Variants in FAT4 observed in about 807,000 individuals in gnomAD.
FAT4 encodes protocadherin Fat 4.
Under a neutral mutation model 303.9 loss-of-function variants are expected in FAT4, and 84 were observed. That is an observed-to-expected ratio of 0.28 (90% CI 0.23 to 0.33). FAT4 has a LOEUF of 0.33. Ranked by LOEUF, FAT4 falls within the 10% of genes least tolerant of loss-of-function variation. The pLI is 1.00. For synonymous variants in FAT4, 2,307 were observed against 2,298.8 expected, an observed-to-expected ratio of 1.00 and a Z score of -0.10; for missense variants, 6,005 against 6,146.8, an observed-to-expected ratio of 0.98 and a Z score of 0.77.
intron 10 of FAT4, among the ~76,000 whole-genome samples, chr4:125,459,781 A>T (rs943678485): frequency 3.3e-5 from 5 of 152,110 alleles, no homozygotes; most frequent in Non-Finnish European, 7.4e-5. Context: ...ATGATCCAAG[A>T]TTTTGTTTCA....
intron 7 of FAT4, among the ~76,000 whole-genome samples, chr4:125,420,400 T>C (rs1051556203): frequency 6.6e-6 from 1 of 152,234 alleles, no homozygotes; most frequent in African/African-American, 2.4e-5. Context: ...TGAATAATGA[T>C]AGTTGTCATT....
Position 125,338,795 on chromosome 4 carries a change from AT to A in FAT4, c.5175+17217del, listed in dbSNP as rs139536663. Among the ~76,000 whole-genome samples the A allele has an allele frequency of 5.6e-3, 853 of 152,148 alleles. 32 individuals carry two copies. In the South Asian group the frequency reaches 0.075, roughly 13 times the overall value. On this transcript the variant is annotated intron_variant, in intron 2 of 17. Transcript: ENST00000394329. ...GCATATTTTAAACTATTGGAAATGA[AT>A]TTTTTTTAATCTATGTGCAGAAAAA... is the stretch of plus-strand genomic sequence containing the variant.
At chr4:125,443,036 A>G (rs1478847025) in intron 8 of FAT4, among the ~76,000 whole-genome samples, 1 of 152,146 alleles carries the variant, frequency 6.6e-6, no homozygotes, top group East Asian at 1.9e-4. Context: ...AGTGCTATTC[A>G]TGGGGTTTAA....
intron 2 of FAT4, among the ~76,000 whole-genome samples, chr4:125,325,344 C>A (rs2125950746): frequency 6.6e-6 from 1 of 152,206 alleles, no homozygotes; most frequent in South Asian, 2.1e-4. Flanking sequence ...ATATATGACT[C>A]TCAACCTGTT....
intron 7 of FAT4, among the ~76,000 whole-genome samples, chr4:125,425,758 T>C (rs1266607955): frequency 2.6e-5 from 4 of 152,104 alleles, no homozygotes; most frequent in African/African-American, 7.2e-5. Flanking sequence ...AAATATGTTA[T>C]CCTTTATCCT....
At chr4:125,345,430 G>A (rs1240751136) in intron 2 of FAT4, among the ~76,000 whole-genome samples, 1 of 150,322 alleles carries the variant, frequency 6.7e-6, no homozygotes, top group East Asian at 2.0e-4. Flanking sequence ...AATGATTAAG[G>A]ACTTCTAAAG....
intron 10 of FAT4, among the ~76,000 whole-genome samples, chr4:125,455,859 T>C (rs1726260087): frequency 6.6e-6 from 1 of 152,204 alleles, no homozygotes; most frequent in South Asian, 2.1e-4. Flanking sequence ...CTCTCAGACT[T>C]TGAGGCAGGA....
At position 125,315,334 on chromosome 4, in the gene FAT4, A is replaced by G. The variant is rs1326946510; in HGVS notation, c.-656A>G. On this transcript the variant is annotated 5_prime_UTR_variant, in exon 1 of 18. Coordinates refer to ENST00000394329, the MANE Select transcript of FAT4 (RefSeq NM_001291303.3). The stretch of plus-strand genomic sequence containing the variant: ...GCATCAACCACCCCCCGCCCCAAAC[A>G]AAAAGCCTTGTGGATTACAAAGTGA... Among the ~76,000 whole-genome samples, 3 of 152,140 alleles carry G rather than the reference A, an allele frequency of 2.0e-5. No individual in the cohort carries two copies. Among genetic ancestry groups the G allele is most frequent in the African/African-American group, 2.4e-5 (1 of 41,432 alleles).
chr4:125,347,558 A>T (rs1413758463), intron 2 of FAT4, among the ~76,000 whole-genome samples: 1 of 151,448 alleles, frequency 6.6e-6, no homozygotes, highest in Non-Finnish European at 1.5e-5. Context: ...TATATATTTG[A>T]TATATAATTT....
chr4:125,463,492 T>C (rs1296841401), intron 10 of FAT4, 71 bp from the exon 11 acceptor site: 7 of 825,392 alleles, frequency 8.5e-6, no homozygotes, highest in Non-Finnish European at 1.3e-5. Flanking sequence ...TTTTTACGTA[T>C]GGTAATGGTG....
In FAT4 at chr4:125,492,364, T is replaced by C. The variant is rs1727683119; in HGVS notation, c.*596T>C. 6.6e-6 allele frequency: 1 copy of C among 152,474 alleles called. No homozygotes were observed. Among genetic ancestry groups the C allele is most frequent in the African/African-American group, 2.4e-5 (1 of 41,456 alleles). 9.4% of individuals were successfully genotyped at this position (152,474 alleles called of 1,614,324 possible). A position where few individuals can be genotyped will look rare whatever the true frequency, so the allele number is the denominator to read the frequency against. On this transcript the variant is annotated 3_prime_UTR_variant, in exon 18 of 18. Transcript: ENST00000394329. ...CATTTTGTTCAGCACTTTAACGCTTTCTTATAGAATTGTCTTAAAACTTCT... is the reference window on the plus strand; with the variant it reads ...CATTTTGTTCAGCACTTTAACGCTTCCTTATAGAATTGTCTTAAAACTTCT...
chr4:125,488,033 G>T (rs1278155806), intron 17 of FAT4, among the ~76,000 whole-genome samples: 1 of 152,110 alleles, frequency 6.6e-6, no homozygotes, highest in African/African-American at 2.4e-5. Flanking sequence ...TTATTCTAAT[G>T]TGTGATAAAT....
At chr4:125,394,073 A>C (rs1054672840) in intron 2 of FAT4, 19 of 754,784 alleles carry the variant, frequency 2.5e-5, no homozygotes, top group Admixed American at 2.3e-4. Flanking sequence ...ACACATTTTT[A>C]AAGGACCAGA....
At chr4:125,395,459 G>A (rs899558698) in intron 2 of FAT4, among the ~76,000 whole-genome samples, 34 of 151,916 alleles carry the variant, frequency 2.2e-4, no homozygotes, top group African/African-American at 8.0e-4. Flanking sequence ...ACAGGTGCAC[G>A]CCACCACGCC....
intron 2 of FAT4, among the ~76,000 whole-genome samples, chr4:125,332,240 A>G (rs1263722249): frequency 1.3e-5 from 2 of 151,042 alleles, no homozygotes; most frequent in African/African-American, 4.9e-5. Flanking sequence ...ATTTTAAGGA[A>G]AAGACACAAG....
Position 125,451,329 on chromosome 4 carries a change from G to T in FAT4, c.10319G>T (p.Ser3440Ile). ...GACTCAGACTCCATCCCCAGCTGGA[G>T]CAGGTTTTCTTACTTCATCGGATCA... ...AFDSDSIPSW[S>I]RFSYFIGSGN... The change falls in exon 10 of 18, where the codon AGC (serine) becomes ATC (isoleucine). Residue 3440 changes from serine (S) to isoleucine (I), a missense_variant. Coordinates refer to ENST00000394329, the MANE Select transcript of FAT4 (RefSeq NM_001291303.3). 1 of 1,614,148 alleles carries T rather than the reference G, an allele frequency of 6.2e-7. No individual in the cohort carries two copies. Among genetic ancestry groups the T allele is most frequent in the South Asian group, 1.1e-5 (1 of 91,080 alleles).
chr4:125,425,436 T>C (rs565312000), intron 7 of FAT4, among the ~76,000 whole-genome samples: 1 of 152,264 alleles, frequency 6.6e-6, no homozygotes, highest in East Asian at 1.9e-4. Context: ...TTCTTCCCTT[T>C]GGATTAAATT....
chr4:125,441,566 T>G (rs910357256), intron 8 of FAT4, among the ~76,000 whole-genome samples: 1 of 152,228 alleles, frequency 6.6e-6, no homozygotes, highest in Non-Finnish European at 1.5e-5. Flanking sequence ...CATAATTATT[T>G]CTTTCCCAGC....
At chr4:125,467,461 G>A (rs1292459467) in intron 11 of FAT4, among the ~76,000 whole-genome samples, 1 of 152,116 alleles carries the variant, frequency 6.6e-6, no homozygotes, top group African/African-American at 2.4e-5. Flanking sequence ...CCAATCATTT[G>A]CCACAGTCTA....
Sources: allele counts gnomAD v4.1 joint callset (sites outside exome capture counted in the v4.1 genomes callset), GRCh38; gene constraint gnomAD v4.1.1; transcripts MANE v1.5; gene names NCBI Gene and HGNC (gene_info 2026-07-23, HGNC 2026-07-21).